KDM4C: variants seen among roughly 807,000 people sequenced by gnomAD.
KDM4C encodes the protein lysine demethylase 4C.
In KDM4C, 81 loss-of-function variants were observed where a neutral mutation model predicts 129.3. The ratio of observed to expected loss-of-function variants is 0.63; its 90% confidence interval spans 0.52 to 0.75. The LOEUF (loss-of-function observed/expected upper bound fraction) is 0.75. Ranked by LOEUF, KDM4C falls within the 30% of genes least tolerant of loss-of-function variation. KDM4C has a pLI of 0.00. For missense variants in KDM4C, 1,457 were observed against 1,304.0 expected (o/e 1.12, Z -1.81); for synonymous variants, 573 against 456.1 (o/e 1.26, Z -3.26).
intron 18 of KDM4C, among the ~76,000 whole-genome samples, chr9:7,117,388 T>C (rs1839019849): frequency 6.6e-6 from 1 of 152,266 alleles, no homozygotes; most frequent in East Asian, 1.9e-4. Context: ...GAAATCGTTA[T>C]AGGCAGGAGT....
In KDM4C at chr9:6,836,110, A is replaced by G. The variant is rs534958503; in HGVS notation, c.436-13397A>G. 1.3e-4 allele frequency among the ~76,000 whole-genome samples: 20 copies of G among 152,230 alleles called. No homozygotes were observed. The South Asian group carries it at 2.1e-3, about 16-fold the overall frequency. ...TCCCTGGGAGTGGGTACAGGCAGCCAGGGCTTACCTGTACACTGACTTGAG... is the reference window on the plus strand; with the variant it reads ...TCCCTGGGAGTGGGTACAGGCAGCCGGGGCTTACCTGTACACTGACTTGAG... On this transcript the variant is annotated intron_variant, in intron 4 of 21. Transcript: ENST00000381309.
chr9:6,929,938 C>T (rs948133789), intron 8 of KDM4C, among the ~76,000 whole-genome samples: 1 of 152,064 alleles, frequency 6.6e-6, no homozygotes, highest in African/African-American at 2.4e-5. Context: ...ACTAAAATGT[C>T]ATTAATTTTA....
At chr9:6,802,622 C>T (rs1394879704) in intron 2 of KDM4C, among the ~76,000 whole-genome samples, 1 of 151,940 alleles carries the variant, frequency 6.6e-6, no homozygotes, top group African/African-American at 2.4e-5. Flanking sequence ...GTTACATTTG[C>T]TTATTTATTT....
intron 3 of KDM4C, 96 bp downstream of exon 3, chr9:6,805,870 A>G (rs1298609495): frequency 7.0e-6 from 8 of 1,138,612 alleles, no homozygotes; most frequent in Non-Finnish European, 8.5e-6. Context: ...AATGAAAAGC[A>G]GGAGTCTCCC....
chr9:7,089,721 A>C (rs1001253361), intron 17 of KDM4C, among the ~76,000 whole-genome samples: 12 of 152,352 alleles, frequency 7.9e-5, no homozygotes, highest in African/African-American at 2.9e-4. Flanking sequence ...GCTTAAAAAA[A>C]GTCACTGCAT....
chr9:6,998,304 A>G (rs142017328), intron 12 of KDM4C, among the ~76,000 whole-genome samples: 4 of 152,358 alleles, frequency 2.6e-5, no homozygotes, highest in Non-Finnish European at 4.4e-5. Flanking sequence ...ATATACAGAC[A>G]GAAGAGGTGG....
intron 1 of KDM4C, among the ~76,000 whole-genome samples, chr9:6,764,959 T>C (rs1356300043): frequency 6.6e-6 from 1 of 152,200 alleles, no homozygotes; most frequent in Non-Finnish European, 1.5e-5. Flanking sequence ...CAACACTTCA[T>C]GGTTCCTCAG....
chr9:6,732,805 G>A (rs1051864292), intron 1 of KDM4C, among the ~76,000 whole-genome samples: 1 of 152,102 alleles, frequency 6.6e-6, no homozygotes, highest in Admixed American at 6.5e-5. Context: ...TTGAGGTCAG[G>A]AGTTCGAGAC....
At chr9:6,803,773 G>T (rs1187530071) in intron 2 of KDM4C, among the ~76,000 whole-genome samples, 2 of 150,716 alleles carry the variant, frequency 1.3e-5, no homozygotes, top group African/African-American at 2.4e-5. Flanking sequence ...AAAAAGAAAA[G>T]TTCCAGCAAT....
chr9:7,122,265 A>ACTCTCTCTCTCTCTCT (rs1554751922), intron 18 of KDM4C, among the ~76,000 whole-genome samples: 1 of 144,714 alleles, frequency 6.9e-6, no homozygotes, highest in Admixed American at 7.0e-5. Context: ...ACACACACAC[A>ACTCTCTCTCTCTCTCT]CTCTCTCTCT....
intron 2 of KDM4C, among the ~76,000 whole-genome samples, chr9:6,799,356 A>G (rs930030396): frequency 1.3e-5 from 2 of 152,222 alleles, no homozygotes; most frequent in Non-Finnish European, 1.5e-5. Context: ...CGCGGTTAGG[A>G]GCTGGAGACC....
At chr9:6,831,336 C>T (rs1834783721) in intron 4 of KDM4C, among the ~76,000 whole-genome samples, 1 of 151,800 alleles carries the variant, frequency 6.6e-6, no homozygotes, top group African/African-American at 2.4e-5. Flanking sequence ...CCTCCCAATT[C>T]TTCTGCTTTC....
chr9:6,974,170 A>AGTGGAT (rs1363630890), intron 8 of KDM4C, among the ~76,000 whole-genome samples: 2 of 152,210 alleles, frequency 1.3e-5, no homozygotes, highest in African/African-American at 4.8e-5. Flanking sequence ...TGATGATTCA[A>AGTGGAT]GTGGATGACT....
intron 4 of KDM4C, among the ~76,000 whole-genome samples, chr9:6,825,527 C>T (rs1437741524): frequency 6.6e-6 from 1 of 152,200 alleles, no homozygotes; most frequent in Non-Finnish European, 1.5e-5. Context: ...GAATCACCTT[C>T]AGAGACAGTG....
At chr9:6,909,296 A>G (rs745820125) in intron 8 of KDM4C, among the ~76,000 whole-genome samples, 2 of 152,208 alleles carry the variant, frequency 1.3e-5, no homozygotes, top group Non-Finnish European at 2.9e-5. Context: ...TAGTTAGGCA[A>G]TGGAGGTGGG....
At chr9:6,920,055 T>C (rs1222631758) in intron 8 of KDM4C, among the ~76,000 whole-genome samples, 6 of 152,170 alleles carry the variant, frequency 3.9e-5, no homozygotes. Context: ...AGAAAGAGTT[T>C]AATTGATGTG....
intron 8 of KDM4C, among the ~76,000 whole-genome samples, chr9:6,930,061 A>G (rs1264021239): frequency 1.3e-5 from 2 of 152,080 alleles, no homozygotes; most frequent in Non-Finnish European, 2.9e-5. Flanking sequence ...ATTTGATTTA[A>G]TTGGTTTTAG....
chr9:6,968,154 C>A (rs1218141764), intron 8 of KDM4C, among the ~76,000 whole-genome samples: 5 of 152,118 alleles, frequency 3.3e-5, no homozygotes, highest in African/African-American at 1.2e-4. Context: ...AGATAGGCCT[C>A]CTTCACCTTA....
intron 19 of KDM4C, among the ~76,000 whole-genome samples, chr9:7,150,007 C>T (rs1018431745): frequency 3.9e-5 from 6 of 152,150 alleles, no homozygotes; most frequent in African/African-American, 7.2e-5. Flanking sequence ...CCTGAGATCA[C>T]GAGTGGGATC....
Sources: allele counts gnomAD v4.1 joint callset (sites outside exome capture counted in the v4.1 genomes callset), GRCh38; gene constraint gnomAD v4.1.1; transcripts MANE v1.5; gene names NCBI Gene and HGNC (gene_info 2026-07-23, HGNC 2026-07-21).